The following LINC02747 variants were observed in gnomAD, a reference collection of about 807,000 sequenced individuals.
LINC02747 encodes CCND1-upstream intergenic DNA repair 2.
intron 1 of LINC02747, among the ~76,000 whole-genome samples, chr11:69,479,489 G>A (rs1025915885): frequency 1.3e-5 from 2 of 152,218 alleles, no homozygotes; most frequent in South Asian, 2.1e-4. Context: ...GCAGAAAAAC[G>A]CCCTGTTGTG....
intron 1 of LINC02747, among the ~76,000 whole-genome samples, chr11:69,478,214 G>A (rs773249323): frequency 2.9e-4 from 44 of 152,230 alleles, no homozygotes; most frequent in Non-Finnish European, 5.1e-4. Flanking sequence ...GCTCCCAGAG[G>A]ACGAGGGTAA....
chr11:69,476,749 C>T (rs1416121823), exon 2 of LINC02747: 1 of 152,246 alleles, frequency 6.6e-6, no homozygotes, highest in Non-Finnish European at 1.5e-5. Flanking sequence ...ACAGCCTGTG[C>T]ACCGAGGACA....
intron 1 of LINC02747, among the ~76,000 whole-genome samples, chr11:69,478,429 C>T (rs975165329): frequency 6.6e-6 from 1 of 152,206 alleles, no homozygotes; most frequent in African/African-American, 2.4e-5. Context: ...GACCTGCCTC[C>T]TGCACCCTGA....
chr11:69,480,037 C>T (rs900435941), intron 1 of LINC02747: 4 of 152,290 alleles, frequency 2.6e-5, no homozygotes, highest in African/African-American at 9.6e-5. Context: ...CATCAGCCCC[C>T]TTTGGGCAAA....
At chr11:69,478,907 A>G (rs1857020690) in intron 1 of LINC02747, among the ~76,000 whole-genome samples, 1 of 151,728 alleles carries the variant, frequency 6.6e-6, no homozygotes, top group South Asian at 2.1e-4. Flanking sequence ...TATCATAATA[A>G]GTTTTTACAT....
At chr11:69,481,196 G>A (rs1173613603) in intron 1 of LINC02747, among the ~76,000 whole-genome samples, 1 of 152,194 alleles carries the variant, frequency 6.6e-6, no homozygotes, top group Non-Finnish European at 1.5e-5. Context: ...CCAGGAGGCT[G>A]TGCCACTCAG....
chr11:69,478,569 G>A (rs774902706), intron 1 of LINC02747, among the ~76,000 whole-genome samples: 4 of 152,218 alleles, frequency 2.6e-5, no homozygotes, highest in African/African-American at 4.8e-5. Flanking sequence ...TAGGCTGGGC[G>A]AGGTGGCTCA....
chr11:69,478,578 C>G (rs1447835832), intron 1 of LINC02747, among the ~76,000 whole-genome samples: 1 of 152,206 alleles, frequency 6.6e-6, no homozygotes, highest in Non-Finnish European at 1.5e-5. Context: ...CGAGGTGGCT[C>G]ATGCCTGTAA....
chr11:69,479,381 A>T (rs188438767), intron 1 of LINC02747, among the ~76,000 whole-genome samples: 24 of 152,172 alleles, frequency 1.6e-4, no homozygotes, highest in African/African-American at 5.8e-4. Context: ...CAGTGTCAGC[A>T]TGTGAGCTCT....
At position 69,481,243 on chromosome 11, in the gene LINC02747, G is replaced by A. The variant is rs142491379; in HGVS notation, n.120+183C>T. Among the ~76,000 whole-genome samples, 17 of 152,294 alleles carry A rather than the reference G, an allele frequency of 1.1e-4. No homozygotes were observed. In the East Asian group the frequency reaches 3.3e-3, roughly 29 times the overall value. ...GTCCACACATCAGAGTCCATACTCTGCCACCATTAGAATGGGGCTTGTGAT... is the reference window on the plus strand; with the variant it reads ...GTCCACACATCAGAGTCCATACTCTACCACCATTAGAATGGGGCTTGTGAT... On this transcript the variant is annotated intron_variant and non_coding_transcript_variant, in intron 1 of 1. Coordinates refer to ENST00000645449, the Ensembl canonical transcript of LINC02747.
exon 2 of LINC02747, chr11:69,476,163 G>A (rs1221146800): frequency 1.3e-5 from 2 of 152,116 alleles, no homozygotes; most frequent in Non-Finnish European, 2.9e-5. Context: ...CCTTTGTCAT[G>A]TATCTGGCAC....
intron 1 of LINC02747, among the ~76,000 whole-genome samples, chr11:69,478,286 G>A (rs951341530): frequency 5.3e-5 from 8 of 152,146 alleles, no homozygotes; most frequent in African/African-American, 1.7e-4. Context: ...AGGCTGGAAA[G>A]TTGCTGCTTG....
intron 1 of LINC02747, among the ~76,000 whole-genome samples, chr11:69,479,181 G>A (rs535167924): frequency 8.1e-5 from 12 of 148,858 alleles, no homozygotes; most frequent in African/African-American, 2.2e-4. Flanking sequence ...CTTGAACCCA[G>A]GAGGCGGAGG....
chr11:69,480,958 G>A (rs1446506059), intron 1 of LINC02747, among the ~76,000 whole-genome samples: 1 of 152,186 alleles, frequency 6.6e-6, no homozygotes, highest in Admixed American at 6.5e-5. Flanking sequence ...CCTAGCCCAG[G>A]GACAGAGCCA....
exon 2 of LINC02747, chr11:69,476,499 GCCCATCCAAGTGGGGGTCTGGCTGTGAC>G: frequency 6.6e-6 from 1 of 152,090 alleles, no homozygotes; most frequent in East Asian, 2.0e-4. Flanking sequence ...CCGATCACAG[GCCCATCCAAGTGGGGGTCTGGCTGTGAC>G]CCCTTCTTCA....
intron 1 of LINC02747, among the ~76,000 whole-genome samples, chr11:69,479,063 T>C (rs1292489887): frequency 6.6e-6 from 1 of 151,958 alleles, no homozygotes; most frequent in Admixed American, 6.6e-5. Context: ...GAGACTAGCC[T>C]GGCCAATGTG....
exon 2 of LINC02747, chr11:69,476,510 T>C (rs1169177055): frequency 6.6e-6 from 1 of 151,710 alleles, no homozygotes; most frequent in Non-Finnish European, 1.5e-5. Context: ...CCCATCCAAG[T>C]GGGGGTCTGG....
At chr11:69,477,672 C>G (rs1355371238) in intron 1 of LINC02747, 1 of 152,170 alleles carries the variant, frequency 6.6e-6, no homozygotes, top group Admixed American at 6.5e-5. Flanking sequence ...CTGTCCTCAC[C>G]TGGCTGAGGT....
At chr11:69,477,307 G>C (rs1031969710) in exon 2 of LINC02747, 1 of 152,224 alleles carries the variant, frequency 6.6e-6, no homozygotes, top group African/African-American at 2.4e-5. Flanking sequence ...GCATGCACAC[G>C]TCACCGTGAC....
Sources: gnomAD v4.1 joint callset for allele counts (sites outside exome capture counted in the v4.1 genomes callset) on GRCh38, gnomAD v4.1.1 for gene constraint, MANE v1.5 for transcripts, NCBI Gene and HGNC (gene_info 2026-07-23, HGNC 2026-07-21) for gene names.